CHD7: variants seen among roughly 807,000 people sequenced by gnomAD.
The protein encoded by CHD7 is chromodomain helicase DNA binding protein 7.
In CHD7, 24 loss-of-function variants were observed where a neutral mutation model predicts 307.3. The observed-to-expected ratio is 0.08, with a 90% CI of 0.06 to 0.11. The LOEUF is 0.11. CHD7 is among the 10% of genes least tolerant of loss of function. The pLI, the probability that CHD7 is intolerant of heterozygous loss-of-function variation, is 1.00. For missense variants in CHD7, 3,106 were observed against 3,727.1 expected (o/e 0.83, Z 4.34); for synonymous variants, 1,363 against 1,349.9 (o/e 1.01, Z -0.21).
rs767667872 is a variant in CHD7, at chr8:60,781,014, G to A, written c.1680G>A (p.Glu560=). 3.2e-6 allele frequency: 5 copies of A among 1,561,070 alleles called. No individual in the cohort carries two copies. The South Asian group carries it at 6.2e-5, about 19-fold the overall frequency. Residue 560 remains glutamate (E), a synonymous_variant, in exon 3 of 38, where the codon GAG becomes GAA. Coordinates refer to ENST00000423902, the MANE Select transcript of CHD7 (RefSeq NM_017780.4). ...GTGTCTCTCAGCATTCCCCGTCGGA[G>A]CCCTTTCTAGAGAAACCAGTGCCGG... ...KVPVHQHSPS[E]PFLEKPVPDM...
chr8:60,800,035 CTT>C (rs879277376), intron 4 of CHD7, among the ~76,000 whole-genome samples: 1 of 144,732 alleles, frequency 6.9e-6, no homozygotes, highest in Non-Finnish European at 1.5e-5. Flanking sequence ...GAACATTTTT[CTT>C]TTTTTTTTTT....
At chr8:60,744,899 C>A (rs1192966790) in intron 2 of CHD7, among the ~76,000 whole-genome samples, 1 of 150,420 alleles carries the variant, frequency 6.6e-6, no homozygotes, top group African/African-American at 2.4e-5. Flanking sequence ...TTCACGCAGG[C>A]ATTTAATACA....
intron 1 of CHD7, among the ~76,000 whole-genome samples, chr8:60,686,660 G>A (rs769983191): frequency 2.6e-5 from 4 of 152,166 alleles, no homozygotes; most frequent in Admixed American, 1.3e-4. Context: ...GACCGCGTGC[G>A]ACCTGGGTTT....
chr8:60,711,620 A>G (rs568209122), intron 1 of CHD7, among the ~76,000 whole-genome samples: 9 of 152,358 alleles, frequency 5.9e-5, no homozygotes, highest in African/African-American at 1.9e-4. Flanking sequence ...GGGCAGCTCC[A>G]ACAACTGAAC....
chr8:60,847,034 G>A (rs1333315632), intron 23 of CHD7, among the ~76,000 whole-genome samples: 2 of 152,194 alleles, frequency 1.3e-5, no homozygotes, highest in Non-Finnish European at 2.9e-5. Context: ...TACACTCTTA[G>A]AAAATATCTG....
At chr8:60,741,112 T>C (rs1808976800) in intron 1 of CHD7, 147 bp from the exon 2 acceptor site, 1 of 313,978 alleles carries the variant, frequency 3.2e-6, no homozygotes, top group African/African-American at 2.1e-5. Flanking sequence ...GTGAACTAAA[T>C]TTATAAAATA....
chr8:60,851,909 C>T, intron 28 of CHD7, 110 bp from the exon 29 acceptor site: 2 of 676,704 alleles, frequency 3.0e-6, no homozygotes, highest in South Asian at 2.3e-5. Context: ...ACTGAGATGC[C>T]CTTTCCCACA....
rs776953479 is a variant in CHD7, at chr8:60,861,140, G to A, written c.7830+15G>A. ...GTTATGTACCAGTGAGTATTGCAGA[G>A]TTTAGAGTTGGAAGGAATCTTGCAG... is the stretch of plus-strand genomic sequence containing the variant. On this transcript the variant is annotated intron_variant, in intron 35 of 37. Coordinates refer to ENST00000423902, the MANE Select transcript of CHD7 (RefSeq NM_017780.4). 15 of 1,547,214 alleles carry A rather than the reference G, an allele frequency of 9.7e-6. No individual in the cohort carries two copies. Among genetic ancestry groups the A allele is most frequent in the Non-Finnish European group, 1.3e-5 (15 of 1,142,746 alleles).
Position 60,867,546 on chromosome 8 carries a change from A to C in CHD7, c.*1613A>C, listed in dbSNP as rs987472682. 1 of 152,244 alleles carries C rather than the reference A, an allele frequency of 6.6e-6. No homozygotes were observed. Among genetic ancestry groups the C allele is most frequent in the Non-Finnish European group, 1.5e-5 (1 of 68,042 alleles). 9.4% of individuals were successfully genotyped at this position (152,244 alleles called of 1,614,324 possible). On this transcript the variant is annotated 3_prime_UTR_variant, in exon 38 of 38. Transcript: ENST00000423902. ...ACCTTTTTATGTCACCTGAACCAACACAAAGCCATATTTCCATCCAGTTAA... is the reference window on the plus strand; with the variant it reads ...ACCTTTTTATGTCACCTGAACCAACCCAAAGCCATATTTCCATCCAGTTAA...
rs1414494379 is a variant in CHD7, at chr8:60,816,515, G to C, written c.2613+14G>C. On this transcript the variant is annotated intron_variant, in intron 8 of 37. Coordinates refer to ENST00000423902, the MANE Select transcript of CHD7 (RefSeq NM_017780.4). Reference sequence around the variant, plus strand: ...TTCCTTTCAGAGGTACGACATACCTGCTTACTTTTCCAAAGTATTTACTTT... The same window carrying C: ...TTCCTTTCAGAGGTACGACATACCTCCTTACTTTTCCAAAGTATTTACTTT... 2 of 1,407,170 alleles carry C rather than the reference G, an allele frequency of 1.4e-6. No individual in the cohort carries two copies. Among genetic ancestry groups the C allele is most frequent in the Admixed American group, 2.0e-5 (1 of 51,128 alleles). 87.2% of individuals were successfully genotyped at this position (1,407,170 alleles called of 1,614,324 possible). A position where few individuals can be genotyped will look rare whatever the true frequency, so the allele number is the denominator to read the frequency against.
intron 8 of CHD7, among the ~76,000 whole-genome samples, chr8:60,817,860 T>C (rs1803819078): frequency 6.6e-6 from 1 of 152,220 alleles, no homozygotes; most frequent in African/African-American, 2.4e-5. Context: ...TGACCTTTTC[T>C]GTGGGCCAGG....
intron 1 of CHD7, among the ~76,000 whole-genome samples, chr8:60,714,647 C>T (rs1475642690): frequency 1.3e-5 from 2 of 152,318 alleles, no homozygotes; most frequent in East Asian, 3.9e-4. Context: ...AGGTGCTGCA[C>T]AGGCCACGCC....
rs372318215 is a variant in CHD7, at chr8:60,836,973, C to T, written c.4146C>T (p.Ile1382=). The T allele has an allele frequency of 1.3e-5, 21 of 1,612,364 alleles. No homozygotes were observed. The African/African-American group carries it at 2.5e-4, about 19-fold the overall frequency. Residue 1382 remains isoleucine, a synonymous_variant, in exon 17 of 38, where the codon ATC becomes ATT. Coordinates refer to ENST00000423902, the MANE Select transcript of CHD7 (RefSeq NM_017780.4). ...GINLTAADTC[I]IFDSDWNPQN... is the part of the protein sequence containing the mutation. ...ACCTCACTGCTGCTGATACCTGCAT[C>T]ATCTTTGATTCAGACTGGAATCCCC...
At chr8:60,843,871 A>T (rs141436864) in intron 21 of CHD7, among the ~76,000 whole-genome samples, 2 of 152,206 alleles carry the variant, frequency 1.3e-5, no homozygotes, top group African/African-American at 4.8e-5. Context: ...CCTAGCAGTG[A>T]GAGCTAGCCC....
At chr8:60,817,924 T>C (rs949151398) in intron 8 of CHD7, among the ~76,000 whole-genome samples, 11 of 152,174 alleles carry the variant, frequency 7.2e-5, no homozygotes, top group Non-Finnish European at 1.6e-4. Flanking sequence ...CCCTAAATCC[T>C]GGTCCTGTTT....
Position 60,742,537 on chromosome 8 carries a change from C to T in CHD7, c.1105C>T (p.Pro369Ser), listed in dbSNP as rs766747354. The T allele has an allele frequency of 6.8e-6, 11 of 1,613,990 alleles. No homozygotes were observed. In the East Asian group the frequency reaches 2.0e-4, roughly 29 times the overall value. ...QGLMHQQPIH[P>S]SGSLNQMNTQ... ...ACTAATGCACCAGCAGCCCATCCAC[C>T]CCAGTGGCTCACTTAACCAAATGAA... Residue 369 changes from proline (P) to serine (S), a missense_variant, in exon 2 of 38, where the codon CCC becomes TCC. By Grantham distance (74) the Pro-to-Ser change is moderately conservative. Around this residue, in one of 10 missense-constraint regions of CHD7, gnomAD observed 998 missense variants for 1,004.5 expected, o/e 0.99. Coordinates refer to ENST00000423902, the MANE Select transcript of CHD7 (RefSeq NM_017780.4).
At chr8:60,762,786 A>G (rs1008025190) in intron 2 of CHD7, among the ~76,000 whole-genome samples, 8 of 152,194 alleles carry the variant, frequency 5.3e-5, no homozygotes, top group African/African-American at 1.9e-4. Context: ...GTGTGGGCAC[A>G]TACATTCTAT....
In CHD7 at chr8:60,851,067, A is replaced by G; in HGVS notation, c.5570A>G (p.Tyr1857Cys). 2 of 1,575,800 alleles carry G rather than the reference A, an allele frequency of 1.3e-6. No individual in the cohort carries two copies. Among genetic ancestry groups the G allele is most frequent in the East Asian group, 4.6e-5 (2 of 43,506 alleles). Residue 1857 changes from tyrosine (Y) to cysteine (C), a missense_variant, in exon 27 of 38, where the codon TAT (tyrosine) becomes TGT (cysteine). Tyr to Cys is a radical substitution (Grantham distance 194). This residue lies in a region of CHD7 where 1,030 missense variants were observed against 1,165.4 expected (regional missense o/e 0.88). Transcript: ENST00000423902. ...GATAGAGAAGATGAAGACCCAGAAT[A>G]TAAACCAACCAGAACACCGTTCAAA... The part of the protein sequence containing the change: ...EFDREDEDPE[Y>C]KPTRTPFKDE...
At chr8:60,861,266 T>C (rs955327966) in intron 35 of CHD7, 141 bp downstream of exon 35, 1 of 644,888 alleles carries the variant, frequency 1.6e-6, no homozygotes, top group South Asian at 2.3e-5. Context: ...CCCAGGTCTT[T>C]GTTGTTGAAT....
Sources: allele counts gnomAD v4.1 joint callset (sites outside exome capture counted in the v4.1 genomes callset), GRCh38; gene constraint gnomAD v4.1.1; regional missense constraint gnomAD v4.1.1; transcripts MANE v1.5; gene names NCBI Gene and HGNC (gene_info 2026-07-23, HGNC 2026-07-21).